C1S: variants seen among roughly 807,000 people sequenced by gnomAD.
The protein encoded by C1S is complement C1s subcomponent.
C1S carries 31 observed loss-of-function variants against 54.0 expected under a neutral mutation model. The observed-to-expected ratio is 0.57, with a 90% CI of 0.43 to 0.78. The LOEUF is 0.78. Among genes scored for constraint, C1S ranks in the 30% least tolerant of loss-of-function variants. The pLI is 0.00. For synonymous variants in C1S, 292 were observed against 303.6 expected (o/e 0.96, Z 0.40); for missense variants, 727 against 851.8 (o/e 0.85, Z 1.82).
At chr12:7,062,097 CT>C (rs1947097660) in intron 2 of C1S, 180 bp downstream of exon 2, 1 of 642,286 alleles carries the variant, frequency 1.6e-6, no homozygotes, top group Non-Finnish European at 2.7e-6. Flanking sequence ...TAAGGAGACC[CT>C]GTCTCTATTA....
rs1591573905 is a variant in C1S at position 7,061,440 on chromosome 12, A to C, written c.-74-399A>C. ...ACGGTTAAAGAAGAGGGGCTGTCCT[A>C]CATGGATGATCATGATGCGCCAAGA... is the stretch of plus-strand genomic sequence containing the variant. On this transcript the variant is annotated intron_variant, in intron 1 of 11. Coordinates refer to ENST00000360817, the MANE Select transcript of C1S (RefSeq NM_001734.5). 9.9e-6 allele frequency: 3 copies of C among 303,660 alleles called. No homozygotes were observed. In the East Asian group the frequency reaches 2.4e-4, roughly 25 times the overall value. The allele number at this position is 303,660 out of a possible 1,614,324, so 18.8% of individuals were successfully genotyped here. A position where few individuals can be genotyped will look rare whatever the true frequency, so the allele number is the denominator to read the frequency against.
At chr12:7,061,416 C>G (rs1484936003) in intron 1 of C1S, 1 of 235,264 alleles carries the variant, frequency 4.3e-6, no homozygotes, top group Non-Finnish European at 8.5e-6. Flanking sequence ...GAGGTGATCA[C>G]GGTTAAAGAA....
chr12:7,066,487 T>C lies in C1S; in HGVS notation c.872-31T>C, dbSNP rs370661898. On this transcript the variant is annotated intron_variant, in intron 7 of 11. Transcript: ENST00000360817. Reference sequence around the variant, plus strand: ...GAGTCTTCAACTATTTAGTAATTTTTTCCTCCTGTCCCAACTTCTGTTCTT... The same window carrying C: ...GAGTCTTCAACTATTTAGTAATTTTCTCCTCCTGTCCCAACTTCTGTTCTT... 19 of 1,267,778 alleles carry C rather than the reference T, an allele frequency of 1.5e-5. No individual in the cohort carries two copies. The African/African-American group carries it at 2.6e-4, about 18-fold the overall frequency. The allele number at this position is 1,267,778 out of a possible 1,614,324, so 78.5% of individuals were successfully genotyped here.
At chr12:7,061,741 T>C (rs1175876908) in intron 1 of C1S, 98 bp from the exon 2 acceptor site, 2 of 721,022 alleles carry the variant, frequency 2.8e-6, no homozygotes, top group Non-Finnish European at 2.5e-6. Flanking sequence ...CTGTGTGTTA[T>C]ACCTTTGAAG....
chr12:7,062,374 C>T, intron 2 of C1S, 101 bp from the exon 3 acceptor site: 2 of 855,426 alleles, frequency 2.3e-6, no homozygotes, highest in South Asian at 1.4e-5. Context: ...CGATTGACTG[C>T]CTCTCTTCTT....
rs782751583 is a variant in C1S, at chr12:7,065,896, A to G, written c.797A>G (p.Asn266Ser). The G allele has an allele frequency of 1.4e-5, 22 of 1,609,506 alleles. No homozygotes were observed. The East Asian group carries it at 4.7e-4, about 34-fold the overall frequency. The change falls in exon 7 of 12, where the codon AAT (asparagine) becomes AGT (serine). Residue 266 changes from asparagine (N) to serine (S), a missense_variant. Asn to Ser is a conservative substitution (Grantham distance 46, BLOSUM62 1). Coordinates refer to ENST00000360817, the MANE Select transcript of C1S (RefSeq NM_001734.5). ...CCTCTAAATATTGAAACCAAGAGTAATGCTCTTGATATCATCTTCCAAACT... is the reference window on the plus strand; with the variant it reads ...CCTCTAAATATTGAAACCAAGAGTAGTGCTCTTGATATCATCTTCCAAACT... ...PGPLNIETKS[N>S]ALDIIFQTDL...
intron 2 of C1S, chr12:7,062,248 G>A (rs1325422149): frequency 1.8e-6 from 1 of 561,692 alleles, no homozygotes; most frequent in Non-Finnish European, 3.1e-6. Flanking sequence ...TCCAGCCTGG[G>A]TGACAGAGTG....
At chr12:7,062,389 C>T (rs1947104588) in intron 2 of C1S, 86 bp from the exon 3 acceptor site, 3 of 994,848 alleles carry the variant, frequency 3.0e-6, no homozygotes, top group Admixed American at 1.8e-5. Flanking sequence ...CTTCTTCCCC[C>T]TTTCTTCTGC....
rs782540872 is a variant in C1S at position 7,066,507 on chromosome 12, G to A, written c.872-11G>A. The A allele has an allele frequency of 2.0e-6, 3 of 1,537,598 alleles. No individual in the cohort carries two copies. Among genetic ancestry groups the A allele is most frequent in the Non-Finnish European group, 2.7e-6 (3 of 1,110,154 alleles). ...ATTTTTTCCTCCTGTCCCAACTTCT[G>A]TTCTTTCAAGCAATGCCCTGCCCTA... On this transcript the variant is annotated splice_polypyrimidine_tract_variant and intron_variant, in intron 7 of 11. Transcript: ENST00000360817.
chr12:7,064,427 G>A, intron 5 of C1S, 35 bp downstream of exon 5: 2 of 1,613,628 alleles, frequency 1.2e-6, no homozygotes, highest in African/African-American at 1.3e-5. Flanking sequence ...CATGTTCCCT[G>A]GGATTTGGAA....
Position 7,065,906 on chromosome 12 carries a change from T to C in C1S, c.807T>C (p.Asp269=). The change falls in exon 7 of 12, where the codon GAT becomes GAC. Residue 269 remains aspartate, a synonymous_variant. Transcript: ENST00000360817. ...TTGAAACCAAGAGTAATGCTCTTGA[T>C]ATCATCTTCCAAACTGATCTAACAG... ...LNIETKSNAL[D]IIFQTDLTGQ... 1 of 1,613,438 alleles carries C rather than the reference T, an allele frequency of 6.2e-7. No homozygotes were observed. Among genetic ancestry groups the C allele is most frequent in the Non-Finnish European group, 8.5e-7 (1 of 1,179,550 alleles).
chr12:7,064,538 G>A, intron 5 of C1S, 146 bp downstream of exon 5: 1 of 731,944 alleles, frequency 1.4e-6, no homozygotes, highest in South Asian at 2.3e-5. Context: ...ATTTATTTAT[G>A]TATTATTTTT....
In C1S at chr12:7,070,775, T is replaced by G; in HGVS notation, c.*124T>G. The G allele has an allele frequency of 1.1e-6, 1 of 875,364 alleles. No homozygotes were observed. The highest frequency in any genetic ancestry group is 1.4e-5 in the South Asian group (1 of 72,450). 54.2% of individuals were successfully genotyped at this position (875,364 alleles called of 1,614,324 possible). A position where few individuals can be genotyped will look rare whatever the true frequency, so the allele number is the denominator to read the frequency against. On this transcript the variant is annotated 3_prime_UTR_variant, in exon 12 of 12. Coordinates refer to ENST00000360817, the MANE Select transcript of C1S (RefSeq NM_001734.5). The surrounding 1 kb of genome is among the most constrained non-coding windows in gnomAD (Gnocchi z 4.9). ...CACGAGCGAATGATTTAAATAGAAC[T>G]TGATTGTTGAGACGCCTTGCTAGAG...
In C1S at chr12:7,070,892, A is replaced by G. The variant is rs1347792313; in HGVS notation, c.*241A>G. On this transcript the variant is annotated 3_prime_UTR_variant, in exon 12 of 12. Coordinates refer to ENST00000360817, the MANE Select transcript of C1S (RefSeq NM_001734.5). This position sits in a 1 kb window ranked among gnomAD's most constrained non-coding sequence, Gnocchi z 4.9. ...CGGAGTACCTATTGTAGATAACACT[A>G]TGGGTGGGGCACTCCTTTCTTGCAC... The G allele has an allele frequency of 1.5e-5, 8 of 543,750 alleles. No homozygotes were observed. The highest frequency in any genetic ancestry group is 1.3e-4 in the African/African-American group (7 of 52,822). The allele number at this position is 543,750 out of a possible 1,614,324, so 33.7% of individuals were successfully genotyped here.
intron 9 of C1S, chr12:7,067,438 C>T: frequency 2.8e-6 from 2 of 723,828 alleles, no homozygotes; most frequent in Non-Finnish European, 5.0e-6. Flanking sequence ...TTCATGGGGC[C>T]ATCTGAATTG....
chr12:7,062,522 C>T lies in C1S; in HGVS notation c.53C>T (p.Thr18Ile). 6.2e-7 allele frequency: 1 copy of T among 1,613,818 alleles called. No homozygotes were observed. The highest frequency in any genetic ancestry group is 8.5e-7 in the Non-Finnish European group (1 of 1,179,992). ...SLLAWVYAEP[T>I]MYGEILSPNY... ...TTGGCATGGGTTTATGCTGAGCCTA[C>T]CATGTATGGGGAGATCCTGTCCCCT... The change falls in exon 3 of 12, where the codon ACC becomes ATC. Residue 18 changes from threonine to isoleucine, a missense_variant. Physicochemically the swap from Thr to Ile is moderately conservative, Grantham distance 89. Around this residue, in one of 3 missense-constraint regions of C1S, gnomAD observed 357 missense variants for 365.4 expected, o/e 0.98. Transcript: ENST00000360817.
In C1S at chr12:7,069,973, G is replaced by A. The variant is rs782139172; in HGVS notation, c.1389G>A (p.Ala463=). ...TTGACAACCCATGGGCTGGTGGAGCGCTCATTAATGAGTACTGGGTGCTGA... is the reference window on the plus strand; with the variant it reads ...TTGACAACCCATGGGCTGGTGGAGCACTCATTAATGAGTACTGGGTGCTGA... The part of the protein sequence containing the change: ...VFFDNPWAGG[A]LINEYWVLTA... Residue 463 remains alanine (A), a synonymous_variant, in exon 12 of 12, where the codon GCG becomes GCA. Transcript: ENST00000360817. The A allele has an allele frequency of 6.2e-6, 10 of 1,614,144 alleles. No individual in the cohort carries two copies. Among genetic ancestry groups the A allele is most frequent in the South Asian group, 5.5e-5 (5 of 91,084 alleles).
chr12:7,070,197 C>T lies in C1S; in HGVS notation c.1613C>T (p.Pro538Leu). Residue 538 changes from proline to leucine, a missense_variant, in exon 12 of 12, where the codon CCA becomes CTA. Around this residue, in one of 3 missense-constraint regions of C1S, gnomAD observed 360 missense variants for 453.6 expected, o/e 0.79. Coordinates refer to ENST00000360817, the MANE Select transcript of C1S (RefSeq NM_001734.5). This position sits in a 1 kb window ranked among gnomAD's most constrained non-coding sequence, Gnocchi z 4.9. ...ATTGCACTGGTGCGGCTGAAAGACCCAGTGAAAATGGGACCCACCGTCTCT... is the reference window on the plus strand; with the variant it reads ...ATTGCACTGGTGCGGCTGAAAGACCTAGTGAAAATGGGACCCACCGTCTCT... ...NDIALVRLKD[P>L]VKMGPTVSPI... 6.2e-7 allele frequency: 1 copy of T among 1,614,146 alleles called. No individual in the cohort carries two copies. Among genetic ancestry groups the T allele is most frequent in the Non-Finnish European group, 8.5e-7 (1 of 1,180,020 alleles).
intron 2 of C1S, 88 bp downstream of exon 2, chr12:7,062,005 C>G (rs781987892): frequency 8.4e-6 from 11 of 1,313,310 alleles, no homozygotes; most frequent in Non-Finnish European, 1.2e-5. Flanking sequence ...CATGATGGCT[C>G]ACACCTGTAA....
Sources: allele counts gnomAD v4.1 joint callset, GRCh38; gene constraint gnomAD v4.1.1; regional missense constraint gnomAD v4.1.1; non-coding constraint Gnocchi (gnomAD v3.1); transcripts MANE v1.5; gene names NCBI Gene and HGNC (gene_info 2026-07-23, HGNC 2026-07-21).